The following C13orf42 variants were observed in gnomAD, a reference collection of about 807,000 sequenced individuals.
The protein encoded by C13orf42 is uncharacterized protein C13orf42.
At chr13:51,124,807 C>T (rs896913075) in intron 1 of C13orf42, among the ~76,000 whole-genome samples, 1 of 152,216 alleles carries the variant, frequency 6.6e-6, no homozygotes, top group African/African-American at 2.4e-5. Flanking sequence ...CAGCTGCTTC[C>T]ATGACCTTCC....
intron 1 of C13orf42, among the ~76,000 whole-genome samples, chr13:51,157,261 C>T (rs540692871): frequency 7.0e-4 from 107 of 152,198 alleles, no homozygotes; most frequent in South Asian, 1.7e-3. Flanking sequence ...TGGTGAAACC[C>T]CATCCCTACT....
intron 1 of C13orf42, among the ~76,000 whole-genome samples, chr13:51,144,398 A>C (rs1428201534): frequency 8.4e-6 from 1 of 118,892 alleles, no homozygotes; most frequent in African/African-American, 3.3e-5. Flanking sequence ...TATGAACAAA[A>C]TTTAGAGCAT....
chr13:51,111,775 G>A (rs761316063), upstream of C13orf42, among the ~76,000 whole-genome samples: 11 of 152,146 alleles, frequency 7.2e-5, no homozygotes, highest in Non-Finnish European at 1.0e-4. Flanking sequence ...CTAGTCCCCC[G>A]AGATGGGCCA....
intron 1 of C13orf42, among the ~76,000 whole-genome samples, chr13:51,132,760 C>T (rs1328147397): frequency 2.0e-5 from 3 of 152,062 alleles, no homozygotes; most frequent in East Asian, 1.9e-4. Flanking sequence ...GGTAAAATGA[C>T]GCTGAGACCT....
upstream of C13orf42, among the ~76,000 whole-genome samples, chr13:51,114,359 C>T (rs1362083923): frequency 6.6e-6 from 1 of 152,190 alleles, no homozygotes; most frequent in African/African-American, 2.4e-5. Context: ...AAATGAGATA[C>T]TATATCCTTT....
In C13orf42 at chr13:51,111,048, C is replaced by G; in HGVS notation, c.162G>C (p.Lys54Asn). The change falls in exon 1 of 4, where the codon AAG becomes AAC. Residue 54 changes from lysine (K) to asparagine (N), a missense_variant. Physicochemically the swap from Lys to Asn is moderately conservative, Grantham distance 94. Coordinates refer to ENST00000563710, the MANE Select transcript of C13orf42 (RefSeq NM_001351589.3). ...DHGEKFSESLKKYKSTSSMDT... is the reference protein window; with the variant it reads ...DHGEKFSESLNKYKSTSSMDT... ...CCATGCTACTGGTGCTTTTGTACTT[C>G]TTTAAGGACTCGCTGAATTTCTCCC... is the stretch of plus-strand genomic sequence containing the variant. 1 of 398,724 alleles carries G rather than the reference C, an allele frequency of 2.5e-6. No homozygotes were observed. Among genetic ancestry groups the G allele is most frequent in the Non-Finnish European group, 4.4e-6 (1 of 226,148 alleles). 24.7% of individuals were successfully genotyped at this position (398,724 alleles called of 1,614,324 possible). A position where few individuals can be genotyped will look rare whatever the true frequency, so the allele number is the denominator to read the frequency against.
At chr13:51,171,450 C>T (rs1045212823) in intron 1 of C13orf42, among the ~76,000 whole-genome samples, 2 of 152,090 alleles carry the variant, frequency 1.3e-5, no homozygotes, top group Admixed American at 6.5e-5. Flanking sequence ...TTCTTTCCCT[C>T]CCGCCTGTCC....
At chr13:51,122,797 A>C (rs1298703479) in intron 1 of C13orf42, among the ~76,000 whole-genome samples, 1 of 152,084 alleles carries the variant, frequency 6.6e-6, no homozygotes, top group Non-Finnish European at 1.5e-5. Context: ...TATTCTGATT[A>C]TTTCTTTTCT....
chr13:51,128,325 G>C (rs1267003224), intron 1 of C13orf42, among the ~76,000 whole-genome samples: 1 of 152,170 alleles, frequency 6.6e-6, no homozygotes, highest in Admixed American at 6.5e-5. Context: ...CTTCTCTTGG[G>C]ATCTGGATTG....
intron 1 of C13orf42, among the ~76,000 whole-genome samples, chr13:51,103,927 G>A (rs552033577): frequency 6.6e-6 from 1 of 152,166 alleles, no homozygotes; most frequent in East Asian, 1.9e-4. Flanking sequence ...GTTTCTGTTT[G>A]GAATGAAAAA....
chr13:51,087,396 C>CT (rs949214450), intron 2 of C13orf42, among the ~76,000 whole-genome samples: 4 of 152,034 alleles, frequency 2.6e-5, no homozygotes, highest in African/African-American at 9.7e-5. Context: ...CATTTCATTT[C>CT]TTTTTTTTAA....
rs1953077474 is a variant in C13orf42 at position 51,082,753 on chromosome 13, T to A, written c.*1398A>T. Reference sequence around the variant, plus strand: ...AAAGAAACTTTCCAAACATTGACATTGGCACTCGAAAAATAATAAAGAGAG... The same window carrying A: ...AAAGAAACTTTCCAAACATTGACATAGGCACTCGAAAAATAATAAAGAGAG... On this transcript the variant is annotated 3_prime_UTR_variant, in exon 4 of 4. Transcript: ENST00000563710. 1 of 152,222 alleles carries A rather than the reference T, an allele frequency of 6.6e-6. No homozygotes were observed. Among genetic ancestry groups the A allele is most frequent in the South Asian group, 2.1e-4 (1 of 4,834 alleles). The allele number at this position is 152,222 out of a possible 1,614,324, so 9.4% of individuals were successfully genotyped here.
At chr13:51,160,547 A>G (rs1273949562) in intron 1 of C13orf42, among the ~76,000 whole-genome samples, 1 of 152,214 alleles carries the variant, frequency 6.6e-6, no homozygotes, top group Non-Finnish European at 1.5e-5. Flanking sequence ...TTGCTTCTGC[A>G]TATTGACATA....
intron 1 of C13orf42, among the ~76,000 whole-genome samples, chr13:51,150,927 C>T (rs1424777171): frequency 6.6e-6 from 1 of 152,156 alleles, no homozygotes; most frequent in Non-Finnish European, 1.5e-5. Context: ...ATGAAAAATA[C>T]CAGAAATGCT....
At chr13:51,128,307 C>T (rs1294723352) in intron 1 of C13orf42, among the ~76,000 whole-genome samples, 2 of 152,208 alleles carry the variant, frequency 1.3e-5, no homozygotes, top group African/African-American at 4.8e-5. Context: ...TGTGCGAGAT[C>T]CAAGAACCTT....
chr13:51,149,976 A>G (rs1953766939), intron 1 of C13orf42, among the ~76,000 whole-genome samples: 1 of 152,228 alleles, frequency 6.6e-6, no homozygotes, highest in Admixed American at 6.5e-5. Context: ...TATTTACATC[A>G]TCTTAGAACT....
chr13:51,157,775 C>G (rs1953835944), intron 1 of C13orf42, among the ~76,000 whole-genome samples: 1 of 152,162 alleles, frequency 6.6e-6, no homozygotes, highest in African/African-American at 2.4e-5. Flanking sequence ...TCAACAGAAG[C>G]CTCGTGTATT....
rs1953072030 is a variant in C13orf42 at position 51,082,159 on chromosome 13, T to C, written c.*1992A>G. The C allele has an allele frequency of 6.6e-6, 1 of 152,226 alleles. No homozygotes were observed. Among genetic ancestry groups the C allele is most frequent in the African/African-American group, 2.4e-5 (1 of 41,472 alleles). The allele number at this position is 152,226 out of a possible 1,614,324, so 9.4% of individuals were successfully genotyped here. A position where few individuals can be genotyped will look rare whatever the true frequency, so the allele number is the denominator to read the frequency against. On this transcript the variant is annotated 3_prime_UTR_variant, in exon 4 of 4. Coordinates refer to ENST00000563710, the MANE Select transcript of C13orf42 (RefSeq NM_001351589.3). Reference sequence around the variant, plus strand: ...GACTTTTATTGTTTCAGATTTCATTTATCTCAAACCCCACCAGACACCATC... The same window carrying C: ...GACTTTTATTGTTTCAGATTTCATTCATCTCAAACCCCACCAGACACCATC...
chr13:51,137,723 T>TATGTATGTATCTGATTACAAAACAAA (rs1953668438), intron 1 of C13orf42, among the ~76,000 whole-genome samples: 1 of 152,168 alleles, frequency 6.6e-6, no homozygotes, highest in African/African-American at 2.4e-5. Flanking sequence ...ATTACAAAAC[T>TATGTATGTATCTGATTACAAAACAAA]AGTATGTATC....
Sources: allele counts gnomAD v4.1 joint callset (sites outside exome capture counted in the v4.1 genomes callset), GRCh38; gene constraint gnomAD v4.1.1; transcripts MANE v1.5; gene names NCBI Gene and HGNC (gene_info 2026-07-23, HGNC 2026-07-21).